ELP3: variants seen among roughly 807,000 people sequenced by gnomAD.
The protein encoded by ELP3 is elongator acetyltransferase complex subunit 3.
A neutral mutation model predicts 74.9 loss-of-function variants in ELP3; 56 were observed. The ratio of observed to expected loss-of-function variants is 0.75; its 90% CI spans 0.60 to 0.93. ELP3 has a LOEUF of 0.93. Ranked by LOEUF, ELP3 falls within the 40% of genes least tolerant of loss-of-function variation. ELP3 has a pLI of 0.00. For missense variants in ELP3, 573 were observed against 686.5 expected, an observed-to-expected ratio of 0.83 and a Z score of 1.85; for synonymous variants, 222 against 239.8, an observed-to-expected ratio of 0.93 and a Z score of 0.68.
chr8:28,133,189 A>G (rs1812846908), intron 9 of ELP3, among the ~76,000 whole-genome samples: 1 of 152,130 alleles, frequency 6.6e-6, no homozygotes, highest in Non-Finnish European at 1.5e-5. Context: ...TGAAATTGTA[A>G]TAATACATTT....
chr8:28,117,081 G>C (rs1454125698), intron 7 of ELP3, among the ~76,000 whole-genome samples: 3 of 151,960 alleles, frequency 2.0e-5, no homozygotes, highest in African/African-American at 7.3e-5. Context: ...AATATGTAAG[G>C]TCTTCTTATC....
intron 1 of ELP3, among the ~76,000 whole-genome samples, chr8:28,095,678 G>A (rs982118329): frequency 1.3e-5 from 2 of 152,242 alleles, no homozygotes; most frequent in African/African-American, 4.8e-5. Context: ...GGTGAAAAGA[G>A]CTGGATTTGA....
In ELP3 at chr8:28,147,894, G is replaced by A. The variant is rs973466073; in HGVS notation, c.1101-8048G>A. ...AATCAAAGAATGACAGGTCATGTCA[G>A]AAGGACCCAGAAACCAGCCTGAATG... On this transcript the variant is annotated intron_variant, in intron 10 of 14. Transcript: ENST00000256398. The surrounding 1 kb of genome is among the most constrained non-coding windows in gnomAD (Gnocchi z 4.5). Among the ~76,000 whole-genome samples, 1 of 152,068 alleles carries A rather than the reference G, an allele frequency of 6.6e-6. No individual in the cohort carries two copies. Among genetic ancestry groups the A allele is most frequent in the Non-Finnish European group, 1.5e-5 (1 of 68,016 alleles).
chr8:28,132,193 G>T, intron 8 of ELP3, 85 bp from the exon 9 acceptor site: 1 of 1,451,628 alleles, frequency 6.9e-7, no homozygotes, highest in Non-Finnish European at 9.6e-7. Flanking sequence ...TGTTCCTTGT[G>T]TTAACTTTGT....
At chr8:28,101,343 C>G (rs1326315132) in intron 3 of ELP3, among the ~76,000 whole-genome samples, 2 of 152,038 alleles carry the variant, frequency 1.3e-5, no homozygotes, top group Non-Finnish European at 2.9e-5. Context: ...TGGTGTGAAC[C>G]CGGGAGGTGG....
At chr8:28,144,184 C>A (rs890028921) in intron 10 of ELP3, among the ~76,000 whole-genome samples, 2 of 152,154 alleles carry the variant, frequency 1.3e-5, no homozygotes, top group African/African-American at 2.4e-5. Context: ...ATTTTGAATT[C>A]TTTCCTCTCA....
chr8:28,139,515 GA>G (rs36105055), intron 10 of ELP3, among the ~76,000 whole-genome samples: 31,065 of 152,014 alleles, frequency 0.2, 3,898 homozygotes, highest in East Asian at 0.64. Context: ...ACTGCAGATG[GA>G]AAATATTCAG....
intron 14 of ELP3, among the ~76,000 whole-genome samples, chr8:28,165,014 T>C (rs1396831405): frequency 6.6e-6 from 1 of 152,084 alleles, no homozygotes; most frequent in Non-Finnish European, 1.5e-5. Flanking sequence ...CGTTACCTCA[T>C]TGGATTAGCT....
At chr8:28,186,967 C>G (rs1815263703) in intron 14 of ELP3, among the ~76,000 whole-genome samples, 1 of 152,172 alleles carries the variant, frequency 6.6e-6, no homozygotes, top group Non-Finnish European at 1.5e-5. Context: ...TCAGAGTCTT[C>G]AGCATCTTGG....
At chr8:28,131,617 A>C (rs1339188512) in intron 8 of ELP3, among the ~76,000 whole-genome samples, 2 of 152,218 alleles carry the variant, frequency 1.3e-5, no homozygotes, top group African/African-American at 2.4e-5. Context: ...ACAAGACTTC[A>C]GTTTAGTTGC....
chr8:28,180,467 GTCA>G (rs1016586345), intron 14 of ELP3, among the ~76,000 whole-genome samples: 3 of 152,120 alleles, frequency 2.0e-5, no homozygotes, highest in African/African-American at 7.2e-5. Context: ...ATTCTGTAAT[GTCA>G]TCTTTTAATG....
At chr8:28,148,372 A>G (rs543506214) in intron 10 of ELP3, among the ~76,000 whole-genome samples, 113 of 150,978 alleles carry the variant, frequency 7.5e-4, no homozygotes, top group African/African-American at 2.7e-3. Flanking sequence ...GATAGCCGGC[A>G]GACGCAGTCT....
chr8:28,161,886 T>C (rs1421149626), intron 13 of ELP3, 111 bp from the exon 14 acceptor site: 1 of 1,008,496 alleles, frequency 9.9e-7, no homozygotes, highest in African/African-American at 1.6e-5. Flanking sequence ...GCTTTTTCAC[T>C]CTTAACAGAT....
At chr8:28,101,913 G>T (rs1811505906) in intron 3 of ELP3, among the ~76,000 whole-genome samples, 1 of 152,178 alleles carries the variant, frequency 6.6e-6, no homozygotes, top group Non-Finnish European at 1.5e-5. Flanking sequence ...TAAGCATTAT[G>T]TGTGGGCTTG....
intron 14 of ELP3, among the ~76,000 whole-genome samples, chr8:28,175,792 C>T (rs1339139238): frequency 1.4e-5 from 2 of 142,950 alleles, no homozygotes; most frequent in Non-Finnish European, 3.0e-5. Flanking sequence ...GGTCTGTAAT[C>T]ATGCATTTGT....
At chr8:28,117,649 T>C (rs1229041087) in intron 7 of ELP3, among the ~76,000 whole-genome samples, 1 of 152,158 alleles carries the variant, frequency 6.6e-6, no homozygotes, top group Non-Finnish European at 1.5e-5. Context: ...AAACCATCCA[T>C]AAATTACACT....
intron 10 of ELP3, among the ~76,000 whole-genome samples, chr8:28,154,926 C>T (rs1322829124): frequency 6.6e-6 from 1 of 152,164 alleles, no homozygotes; most frequent in Non-Finnish European, 1.5e-5. Flanking sequence ...TGGCAACTCT[C>T]CTGGCTTCCA....
At chr8:28,114,700 C>A (rs1211117499) in intron 7 of ELP3, among the ~76,000 whole-genome samples, 1 of 152,172 alleles carries the variant, frequency 6.6e-6, no homozygotes, top group Non-Finnish European at 1.5e-5. Flanking sequence ...GGGACAAACA[C>A]CCAAACCATG....
intron 14 of ELP3, among the ~76,000 whole-genome samples, chr8:28,170,161 C>T (rs1472265432): frequency 6.6e-6 from 1 of 152,176 alleles, no homozygotes; most frequent in African/African-American, 2.4e-5. Context: ...TTCTGTTGGT[C>T]AGAGTCACTG....
Sources: gnomAD v4.1 joint callset for allele counts (sites outside exome capture counted in the v4.1 genomes callset) on GRCh38, gnomAD v4.1.1 for gene constraint, Gnocchi (gnomAD v3.1) non-coding constraint, MANE v1.5 for transcripts, NCBI Gene and HGNC (gene_info 2026-07-23, HGNC 2026-07-21) for gene names.